The following TRAPPC8 variants were observed in gnomAD, a reference collection of about 807,000 sequenced individuals.
TRAPPC8 encodes trafficking protein particle complex subunit 8.
TRAPPC8 carries 54 observed loss-of-function variants against 174.3 expected under a neutral mutation model. That is an observed-to-expected ratio of 0.31 (90% CI 0.25 to 0.39). The LOEUF is 0.39. Among genes scored for constraint, TRAPPC8 ranks in the 10% least tolerant of loss-of-function variants. The probability of loss-of-function intolerance (pLI) is 1.00; values close to 1 mark genes in which losing one functional copy is unlikely to be tolerated. For synonymous variants in TRAPPC8, 630 were observed against 579.9 expected (o/e 1.09, Z -1.24); for missense variants, 1,531 against 1,699.1 (o/e 0.90, Z 1.74).
intron 11 of TRAPPC8, chr18:31,896,118 T>C (rs1366265579): frequency 6.6e-6 from 1 of 152,162 alleles, no homozygotes. Flanking sequence ...TACAGCATTG[T>C]ATGAGAGAGA....
chr18:31,831,455 C>CA (rs2032364225), intron 28 of TRAPPC8, among the ~76,000 whole-genome samples: 1 of 152,160 alleles, frequency 6.6e-6, no homozygotes, highest in East Asian at 1.9e-4. Context: ...TAACAGCTAA[C>CA]ATTTATTATT....
intron 26 of TRAPPC8, chr18:31,844,392 G>C (rs2033273268): frequency 1.3e-5 from 2 of 152,166 alleles, no homozygotes; most frequent in South Asian, 4.1e-4. Context: ...AACTTCTGGG[G>C]TGCTGGTTAG....
At chr18:31,892,803 C>T (rs1377694814) in intron 11 of TRAPPC8, among the ~76,000 whole-genome samples, 1 of 152,006 alleles carries the variant, frequency 6.6e-6, no homozygotes, top group Non-Finnish European at 1.5e-5. Flanking sequence ...GGTGGGGGAT[C>T]GTTTTGAGCC....
intron 20 of TRAPPC8, 89 bp downstream of exon 20, chr18:31,857,451 A>G: frequency 9.1e-7 from 1 of 1,095,856 alleles, no homozygotes; most frequent in Non-Finnish European, 1.2e-6. Flanking sequence ...TAATTTCTTA[A>G]CATGTTAGTA....
chr18:31,916,138 G>A, intron 4 of TRAPPC8, 134 bp downstream of exon 4: 1 of 581,768 alleles, frequency 1.7e-6, no homozygotes, highest in South Asian at 4.0e-5. Flanking sequence ...AAAGTTAAAT[G>A]CTTTATTAAT....
chr18:31,885,600 T>G (rs144333451), intron 12 of TRAPPC8, among the ~76,000 whole-genome samples: 2,393 of 152,172 alleles, frequency 0.016, 21 homozygotes, highest in Non-Finnish European at 0.024. Flanking sequence ...GGCTCACTCC[T>G]GTAATCCCAG....
At chr18:31,880,412 T>C (rs1339479602) in intron 12 of TRAPPC8, among the ~76,000 whole-genome samples, 2 of 151,958 alleles carry the variant, frequency 1.3e-5, no homozygotes, top group Non-Finnish European at 2.9e-5. Context: ...ATCATCTCAA[T>C]AGATACAGAA....
rs144744132 is a variant in TRAPPC8, at chr18:31,869,693, A to T, written c.2388+679T>A. Among the ~76,000 whole-genome samples the T allele has an allele frequency of 2.0e-4, 31 of 152,322 alleles. No homozygotes were observed. In the East Asian group the frequency reaches 3.7e-3, roughly 18 times the overall value. ...TATTATGCAAAAATAAAATATTAAG[A>T]CACTTTGATATCAGAATACGCCTAT... On this transcript the variant is annotated intron_variant, in intron 16 of 28. Transcript: ENST00000283351.
At chr18:31,932,779 C>T (rs904671307) in intron 1 of TRAPPC8, among the ~76,000 whole-genome samples, 4 of 151,184 alleles carry the variant, frequency 2.6e-5, no homozygotes, top group Non-Finnish European at 5.9e-5. Flanking sequence ...GTCAGGAGTT[C>T]GAGACCAGCC....
At chr18:31,866,381 C>G (rs2145168729) in intron 18 of TRAPPC8, among the ~76,000 whole-genome samples, 1 of 151,988 alleles carries the variant, frequency 6.6e-6, no homozygotes, top group East Asian at 1.9e-4. Flanking sequence ...CCAAGAATAT[C>G]AGATTAACAC....
In TRAPPC8 at chr18:31,857,595, G is replaced by A. The variant is rs1342704538; in HGVS notation, c.3133C>T (p.His1045Tyr). 2.5e-6 allele frequency: 4 copies of A among 1,611,196 alleles called. No individual in the cohort carries two copies. Among genetic ancestry groups the A allele is most frequent in the Admixed American group, 3.4e-5 (2 of 59,182 alleles). Residue 1045 changes from histidine (H) to tyrosine (Y), a missense_variant, in exon 20 of 29, where the codon CAT becomes TAT. His to Tyr is a moderately conservative substitution (Grantham distance 83). Transcript: ENST00000283351. ...TAGTAAAACAAAAAGTTAATTTCAT[G>A]GACACCTTCTTCATCAGGCCCACGT... ...WLRGPDEEGV[H>Y]EINFLFYYES...
intron 20 of TRAPPC8, among the ~76,000 whole-genome samples, chr18:31,856,624 A>G (rs560239611): frequency 6.6e-6 from 1 of 152,138 alleles, no homozygotes; most frequent in African/African-American, 2.4e-5. Flanking sequence ...TAAGCTTTAC[A>G]TTTCAAAGGT....
intron 9 of TRAPPC8, among the ~76,000 whole-genome samples, chr18:31,902,616 T>C (rs1011444282): frequency 1.3e-5 from 2 of 152,156 alleles, no homozygotes; most frequent in African/African-American, 2.4e-5. Context: ...TCATCTGTTA[T>C]AGAGACAAAG....
At chr18:31,937,735 GCT>G (rs1430013177) in intron 1 of TRAPPC8, 3 of 151,804 alleles carry the variant, frequency 2.0e-5, no homozygotes, top group Non-Finnish European at 4.4e-5. Flanking sequence ...ACAGAGTCTC[GCT>G]CTGTCACCCA....
chr18:31,837,129 A>C lies in TRAPPC8; in HGVS notation c.3983+2183T>G, dbSNP rs138962996. Reference sequence around the variant, plus strand: ...TACATCTGTATCAGAGAAAGGAACAAAGCATGAGTACTGGGCAACATTAAG... The same window carrying C: ...TACATCTGTATCAGAGAAAGGAACACAGCATGAGTACTGGGCAACATTAAG... On this transcript the variant is annotated intron_variant, in intron 27 of 28. Coordinates refer to ENST00000283351, the MANE Select transcript of TRAPPC8 (RefSeq NM_014939.5). Among the ~76,000 whole-genome samples, 942 of 152,208 alleles carry C rather than the reference A, an allele frequency of 6.2e-3. 12 individuals are homozygous for C. Among genetic ancestry groups the C allele is most frequent in the African/African-American group, 0.022 (902 of 41,546 alleles).
At chr18:31,909,809 T>C in intron 5 of TRAPPC8, 49 bp from the exon 6 acceptor site, 1 of 1,248,296 alleles carries the variant, frequency 8.0e-7, no homozygotes, top group East Asian at 2.5e-5. Context: ...TTAATCATAC[T>C]TAATATACTA....
At position 31,870,907 on chromosome 18, in the gene TRAPPC8, A is replaced by T. The variant is rs763154337; in HGVS notation, c.2257+19T>A. ...AGTAAAACAAATAAAAAACAGAAAT[A>T]AAAATTCAAGTATATCACCTTCTAC... On this transcript the variant is annotated intron_variant, in intron 15 of 28. Coordinates refer to ENST00000283351, the MANE Select transcript of TRAPPC8 (RefSeq NM_014939.5). 4.0e-6 allele frequency: 6 copies of T among 1,483,382 alleles called. No homozygotes were observed. In the African/African-American group the frequency reaches 4.3e-5, roughly 11 times the overall value. The allele number at this position is 1,483,382 out of a possible 1,614,324, so 91.9% of individuals were successfully genotyped here.
At chr18:31,892,738 A>G (rs1476754084) in intron 11 of TRAPPC8, among the ~76,000 whole-genome samples, 2 of 152,290 alleles carry the variant, frequency 1.3e-5, no homozygotes, top group East Asian at 3.9e-4. Context: ...AGCTAATAAA[A>G]TAAAAATGAC....
intron 12 of TRAPPC8, among the ~76,000 whole-genome samples, chr18:31,880,075 ACT>A (rs1314747954): frequency 1.8e-5 from 2 of 113,938 alleles, no homozygotes; most frequent in African/African-American, 7.1e-5. Context: ...TTTTACTGAA[ACT>A]ATTGAAAAAA....
Sources: allele counts gnomAD v4.1 joint callset (sites outside exome capture counted in the v4.1 genomes callset), GRCh38; gene constraint gnomAD v4.1.1; transcripts MANE v1.5; gene names NCBI Gene and HGNC (gene_info 2026-07-23, HGNC 2026-07-21).